TSHZ2: variants seen among roughly 807,000 people sequenced by gnomAD.
The protein encoded by TSHZ2 is teashirt homolog 2.
In TSHZ2, 21 loss-of-function variants were observed where a neutral mutation model predicts 74.4. That is an observed-to-expected ratio of 0.28 (90% CI 0.20 to 0.41). TSHZ2 has a LOEUF of 0.41. Among genes scored for constraint, TSHZ2 ranks in the 10% least tolerant of loss-of-function variants. The pLI is 1.00. For synonymous variants in TSHZ2, 540 were observed against 515.3 expected, an observed-to-expected ratio of 1.05 and a Z score of -0.65; for missense variants, 1,244 against 1,293.5, an observed-to-expected ratio of 0.96 and a Z score of 0.59.
intron 2 of TSHZ2, among the ~76,000 whole-genome samples, chr20:53,418,706 C>T (rs908493030): frequency 3.9e-5 from 6 of 152,176 alleles, no homozygotes; most frequent in Middle Eastern, 3.4e-3. Flanking sequence ...AGAGTCAAAC[C>T]GTATCAATAG....
chr20:53,409,462 CAA>C (rs57982211), intron 2 of TSHZ2, among the ~76,000 whole-genome samples: 1 of 143,768 alleles, frequency 7.0e-6, no homozygotes, highest in African/African-American at 2.5e-5. Context: ...ATTGCTGTAC[CAA>C]AAAAAAAAAG....
chr20:53,170,913 A>G (rs1165618408), intron 1 of TSHZ2, among the ~76,000 whole-genome samples: 1 of 151,768 alleles, frequency 6.6e-6, no homozygotes, highest in Non-Finnish European at 1.5e-5. Context: ...TCCTCTCAAA[A>G]GGAAGGAAAG....
At chr20:53,225,614 C>T (rs1009247183) in intron 1 of TSHZ2, among the ~76,000 whole-genome samples, 1 of 152,236 alleles carries the variant, frequency 6.6e-6, no homozygotes, top group African/African-American at 2.4e-5. Flanking sequence ...CAAATCTTCG[C>T]AACTCCGCTA....
At chr20:53,426,632 G>A (rs952815347) in intron 2 of TSHZ2, among the ~76,000 whole-genome samples, 6 of 152,246 alleles carry the variant, frequency 3.9e-5, no homozygotes, top group East Asian at 1.9e-4. Context: ...AAGTTTCAGC[G>A]CGTTTTCTGC....
chr20:53,384,907 G>T (rs978854678), intron 2 of TSHZ2, among the ~76,000 whole-genome samples: 1 of 152,220 alleles, frequency 6.6e-6, no homozygotes, highest in African/African-American at 2.4e-5. Flanking sequence ...TGGGTCACGA[G>T]GTCAGGAGAT....
At chr20:53,193,022 A>G (rs1988775629) in intron 1 of TSHZ2, among the ~76,000 whole-genome samples, 1 of 152,200 alleles carries the variant, frequency 6.6e-6, no homozygotes, top group Non-Finnish European at 1.5e-5. Flanking sequence ...CAGTGGGGAC[A>G]TGCGGAACGC....
At chr20:53,038,698 A>G (rs779242281) in intron 1 of TSHZ2, among the ~76,000 whole-genome samples, 9 of 152,254 alleles carry the variant, frequency 5.9e-5, no homozygotes, top group East Asian at 1.9e-4. Flanking sequence ...CTTAACACAT[A>G]TTTAATGAGG....
chr20:53,336,486 T>C (rs1979952551), intron 2 of TSHZ2, among the ~76,000 whole-genome samples: 1 of 152,212 alleles, frequency 6.6e-6, no homozygotes, highest in Non-Finnish European at 1.5e-5. Context: ...CCTGAATTCA[T>C]TGTAAGATCT....
chr20:53,276,388 A>AAC (rs1166477430), intron 2 of TSHZ2, among the ~76,000 whole-genome samples: 4 of 152,172 alleles, frequency 2.6e-5, no homozygotes, highest in Non-Finnish European at 5.9e-5. Context: ...CTGGAATGCG[A>AAC]ACAGGGCACT....
At chr20:53,307,400 AG>A (rs1342265195) in intron 2 of TSHZ2, among the ~76,000 whole-genome samples, 5 of 152,168 alleles carry the variant, frequency 3.3e-5, no homozygotes, top group Admixed American at 2.0e-4. Context: ...GTGGTCTTTC[AG>A]GGGCAACAGC....
At chr20:53,194,799 C>T (rs1426991415) in intron 1 of TSHZ2, among the ~76,000 whole-genome samples, 2 of 152,228 alleles carry the variant, frequency 1.3e-5, no homozygotes. Flanking sequence ...ACACAGATTC[C>T]TGAACCAGCT....
intron 1 of TSHZ2, among the ~76,000 whole-genome samples, chr20:53,193,052 C>A (rs987134386): frequency 1.3e-5 from 2 of 152,048 alleles, no homozygotes; most frequent in Non-Finnish European, 2.9e-5. Flanking sequence ...CTCTACTTGT[C>A]CATAGGATGG....
At chr20:53,363,509 C>G (rs1054009845) in intron 2 of TSHZ2, among the ~76,000 whole-genome samples, 2 of 152,198 alleles carry the variant, frequency 1.3e-5, no homozygotes, top group African/African-American at 4.8e-5. Flanking sequence ...GATTTTGAAC[C>G]TAGCTTGAGA....
intron 1 of TSHZ2, among the ~76,000 whole-genome samples, chr20:53,136,768 A>C (rs1192106757): frequency 6.6e-6 from 1 of 152,144 alleles, no homozygotes; most frequent in Non-Finnish European, 1.5e-5. Flanking sequence ...TTACCCAAAG[A>C]AAGGCATCAC....
intron 1 of TSHZ2, among the ~76,000 whole-genome samples, chr20:53,180,133 G>C (rs1176326219): frequency 1.3e-5 from 2 of 152,110 alleles, no homozygotes; most frequent in Non-Finnish European, 2.9e-5. Context: ...TAGCTTCAGA[G>C]ATTCTGTGAC....
intron 2 of TSHZ2, among the ~76,000 whole-genome samples, chr20:53,350,070 A>G (rs530143130): frequency 1.3e-5 from 2 of 152,296 alleles, no homozygotes; most frequent in South Asian, 2.1e-4. Flanking sequence ...CCTCCCTTGT[A>G]TAAGGACCCC....
At chr20:53,350,182 A>T (rs1040797463) in intron 2 of TSHZ2, among the ~76,000 whole-genome samples, 1 of 152,264 alleles carries the variant, frequency 6.6e-6, no homozygotes, top group African/African-American at 2.4e-5. Context: ...ATAGAAAGTC[A>T]CATATTCACT....
At chr20:53,430,755 A>T (rs8116513) in intron 2 of TSHZ2, among the ~76,000 whole-genome samples, 6,475 of 152,022 alleles carry the variant, frequency 0.043, 260 homozygotes, top group African/African-American at 0.11. Context: ...AGTTTAGTTT[A>T]GTTTTGTTTT....
intron 1 of TSHZ2, among the ~76,000 whole-genome samples, chr20:53,211,840 A>G (rs1348388346): frequency 1.3e-5 from 2 of 152,318 alleles, no homozygotes; most frequent in Middle Eastern, 3.4e-3. Flanking sequence ...TCACCCCAGA[A>G]GTGAACATTG....
Sources: allele counts gnomAD v4.1 joint callset (sites outside exome capture counted in the v4.1 genomes callset), GRCh38; gene constraint gnomAD v4.1.1; transcripts MANE v1.5; gene names NCBI Gene and HGNC (gene_info 2026-07-23, HGNC 2026-07-21).